Variants in SLC20A1 observed in about 807,000 individuals in gnomAD.
SLC20A1 encodes the protein sodium-dependent phosphate transporter 1.
A neutral mutation model predicts 62.7 loss-of-function variants in SLC20A1; 28 were observed. That is an observed-to-expected ratio of 0.45 (90% CI 0.33 to 0.61). The LOEUF is 0.61. Among genes scored for constraint, SLC20A1 ranks in the 20% least tolerant of loss-of-function variants. The probability of loss-of-function intolerance (pLI) is 0.02; values close to 1 mark genes in which losing one functional copy is unlikely to be tolerated. For synonymous variants in SLC20A1, 305 were observed against 302.9 expected, an observed-to-expected ratio of 1.01 and a Z score of -0.07; for missense variants, 673 against 838.6, an observed-to-expected ratio of 0.80 and a Z score of 2.44.
intron 2 of SLC20A1, 78 bp downstream of exon 2, chr2:112,647,240 A>G: frequency 6.3e-7 from 1 of 1,583,972 alleles, no homozygotes; most frequent in Middle Eastern, 1.7e-4. Flanking sequence ...TTTTGTGCAT[A>G]ACCTTTCCGA....
chr2:112,656,796 T>A (rs1198856001), intron 5 of SLC20A1, among the ~76,000 whole-genome samples: 2 of 152,234 alleles, frequency 1.3e-5, no homozygotes, highest in Non-Finnish European at 2.9e-5. Flanking sequence ...TTTTCATAGC[T>A]AGTCATAGGT....
Position 112,663,209 on chromosome 2 carries a change from G to A in SLC20A1, c.*184G>A, listed in dbSNP as rs1370801736. 4 of 759,712 alleles carry A rather than the reference G, an allele frequency of 5.3e-6. No individual in the cohort carries two copies. Among genetic ancestry groups the A allele is most frequent in the Admixed American group, 2.0e-5 (1 of 49,096 alleles). The allele number at this position is 759,712 out of a possible 1,614,324, so 47.1% of individuals were successfully genotyped here. ...CTAAATATGAATTGTCTCAAAATTA[G>A]CTGTGTAAAATAGCCCGGGTTCCAC... is the stretch of plus-strand genomic sequence containing the variant. On this transcript the variant is annotated 3_prime_UTR_variant, in exon 11 of 11. Coordinates refer to ENST00000272542, the MANE Select transcript of SLC20A1 (RefSeq NM_005415.5).
intron 9 of SLC20A1, chr2:112,660,821 G>A (rs923439996): frequency 4.0e-5 from 20 of 497,706 alleles, no homozygotes; most frequent in Admixed American, 3.1e-4. Flanking sequence ...TGCTAAGAGC[G>A]GATAGTTATG....
intron 9 of SLC20A1, 92 bp downstream of exon 9, chr2:112,660,664 C>T (rs1686723863): frequency 9.2e-7 from 1 of 1,084,952 alleles, no homozygotes; most frequent in African/African-American, 1.6e-5. Flanking sequence ...TCTAAAGTAA[C>T]CAAGTTTGTA....
chr2:112,662,776 C>T (rs373182304), intron 10 of SLC20A1, 88 bp from the exon 11 acceptor site: 7 of 1,359,478 alleles, frequency 5.1e-6, no homozygotes, highest in Middle Eastern at 2.6e-4. Context: ...GGGTCTGGGG[C>T]TCCTTGTCCA....
chr2:112,646,136 A>G lies in SLC20A1; in HGVS notation c.-267+7A>G, dbSNP rs1686264981. Reference sequence around the variant, plus strand: ...CCGCCCTCCCTTTTCCCTGGTGAGTAGTGGCGCCGCCTCGTAAAGGCTCTT... The same window carrying G: ...CCGCCCTCCCTTTTCCCTGGTGAGTGGTGGCGCCGCCTCGTAAAGGCTCTT... On this transcript the variant is annotated splice_region_variant and intron_variant, in intron 1 of 10. Transcript: ENST00000272542. The G allele has an allele frequency of 6.6e-6, 1 of 151,862 alleles. No homozygotes were observed. The highest frequency in any genetic ancestry group is 2.4e-5 in the African/African-American group (1 of 41,316). 9.4% of individuals were successfully genotyped at this position (151,862 alleles called of 1,614,324 possible).
chr2:112,653,792 T>C (rs1158459152), intron 5 of SLC20A1, among the ~76,000 whole-genome samples: 1 of 152,136 alleles, frequency 6.6e-6, no homozygotes, highest in Non-Finnish European at 1.5e-5. Context: ...TAAATATTTT[T>C]ATTATTTATT....
intron 5 of SLC20A1, among the ~76,000 whole-genome samples, chr2:112,655,081 G>C (rs1291044336): frequency 6.7e-6 from 1 of 148,794 alleles, no homozygotes; most frequent in Non-Finnish European, 1.5e-5. Context: ...CGATTCTCCT[G>C]CTTCAGCCTC....
intron 5 of SLC20A1, among the ~76,000 whole-genome samples, chr2:112,653,549 A>G (rs1686496396): frequency 6.6e-6 from 1 of 152,212 alleles, no homozygotes; most frequent in Non-Finnish European, 1.5e-5. Flanking sequence ...GACCCACTGG[A>G]TGAAATACAG....
intron 6 of SLC20A1, chr2:112,658,269 T>G (rs1686650194): frequency 6.6e-6 from 1 of 152,636 alleles, no homozygotes; most frequent in Non-Finnish European, 1.5e-5. Context: ...TACTCTGGTC[T>G]GCCTGTGGGA....
Position 112,659,094 on chromosome 2 carries a change from G to A in SLC20A1, c.1048G>A (p.Gly350Ser), listed in dbSNP as rs369199442. The A allele has an allele frequency of 5.0e-6, 8 of 1,611,156 alleles. No individual in the cohort carries two copies. The African/African-American group carries it at 1.1e-4, about 22-fold the overall frequency. Residue 350 changes from glycine (G) to serine (S), a missense_variant and splice_region_variant, in exon 7 of 11, where the codon GGT (glycine) becomes AGT (serine). Transcript: ENST00000272542. Reference sequence around the variant, plus strand: ...AACCAGCATAGATAGCACCGTGAATGGTGAGTTGGAATTCCTGGTTTCACT... The same window carrying A: ...AACCAGCATAGATAGCACCGTGAATAGTGAGTTGGAATTCCTGGTTTCACT... Reference protein sequence around the residue: ...EETSIDSTVNGAVQLPNGNLV... With the variant: ...EETSIDSTVNSAVQLPNGNLV...
intron 4 of SLC20A1, among the ~76,000 whole-genome samples, chr2:112,648,145 C>T (rs186681964): frequency 1.3e-5 from 2 of 152,108 alleles, no homozygotes; most frequent in Non-Finnish European, 2.9e-5. Context: ...TTAAATGGGT[C>T]TCTGCCGTGC....
intron 5 of SLC20A1, 81 bp from the exon 6 acceptor site, chr2:112,657,041 C>A: frequency 6.5e-7 from 1 of 1,547,048 alleles, no homozygotes; most frequent in Non-Finnish European, 8.9e-7. Flanking sequence ...GGGAACCCCT[C>A]AGTCCCCAGA....
At chr2:112,651,231 GCTA>G (rs2104643149) in intron 4 of SLC20A1, among the ~76,000 whole-genome samples, 1 of 152,220 alleles carries the variant, frequency 6.6e-6, no homozygotes, top group African/African-American at 2.4e-5. Flanking sequence ...CTGGTCTTAA[GCTA>G]CTAACTTTCC....
chr2:112,656,420 C>T (rs546998562), intron 5 of SLC20A1, among the ~76,000 whole-genome samples: 57 of 151,376 alleles, frequency 3.8e-4, no homozygotes, highest in African/African-American at 1.3e-3. Flanking sequence ...AGGCTGGTCT[C>T]GAACTCCTGA....
Position 112,660,424 on chromosome 2 carries a change from T to C in SLC20A1, c.1645T>C (p.Tyr549His). Reference sequence around the variant, plus strand: ...GCCTCTGGTTGCTTTATATTTGGTTTATGACACAGGAGATGTTTCTTCAAA... The same window carrying C: ...GCCTCTGGTTGCTTTATATTTGGTTCATGACACAGGAGATGTTTCTTCAAA... The part of the protein sequence containing the change: ...IGPLVALYLV[Y>H]DTGDVSSKVA... Residue 549 changes from tyrosine to histidine, a missense_variant, in exon 9 of 11, where the codon TAT (tyrosine) becomes CAT (histidine). Transcript: ENST00000272542. 6.2e-7 allele frequency: 1 copy of C among 1,614,220 alleles called. No individual in the cohort carries two copies. The highest frequency in any genetic ancestry group is 8.5e-7 in the Non-Finnish European group (1 of 1,180,020).
rs746870029 is a variant in SLC20A1 at position 112,660,367 on chromosome 2, G to A, written c.1608-20G>A. On this transcript the variant is annotated intron_variant, in intron 8 of 10. Coordinates refer to ENST00000272542, the MANE Select transcript of SLC20A1 (RefSeq NM_005415.5). ...TAGTTCTGCCTGAAAAGTCACTTCTGCCCTCTTTGTTTCTTCCAGCAATGC... is the reference window on the plus strand; with the variant it reads ...TAGTTCTGCCTGAAAAGTCACTTCTACCCTCTTTGTTTCTTCCAGCAATGC... 6.2e-7 allele frequency: 1 copy of A among 1,610,454 alleles called. No individual in the cohort carries two copies. Among genetic ancestry groups the A allele is most frequent in the East Asian group, 2.2e-5 (1 of 44,848 alleles).
chr2:112,663,646 TAAG>T lies in SLC20A1; in HGVS notation c.*628_*630del, dbSNP rs772249672. 2.6e-4 allele frequency: 40 copies of T among 154,342 alleles called. No homozygotes were observed. The highest frequency in any genetic ancestry group is 3.5e-4 in the Non-Finnish European group (24 of 69,286). The allele number at this position is 154,342 out of a possible 1,614,324, so 9.6% of individuals were successfully genotyped here. Reference sequence around the variant, plus strand: ...CAAGCAGTTTATTGACTGTTATTGCTAAGAAGAAGTAAGAAAGAAAAAGCCTGT... The same window carrying T: ...CAAGCAGTTTATTGACTGTTATTGCTAAGAAGTAAGAAAGAAAAAGCCTGT... On this transcript the variant is annotated 3_prime_UTR_variant, in exon 11 of 11. Coordinates refer to ENST00000272542, the MANE Select transcript of SLC20A1 (RefSeq NM_005415.5).
intron 4 of SLC20A1, among the ~76,000 whole-genome samples, 195 bp downstream of exon 4, chr2:112,647,933 C>CA (rs1306583176): frequency 6.6e-6 from 1 of 151,970 alleles, no homozygotes; most frequent in African/African-American, 2.4e-5. Flanking sequence ...AGAGGGCAGT[C>CA]AGGAAGGAAA....
Sources: gnomAD v4.1 joint callset for allele counts (sites outside exome capture counted in the v4.1 genomes callset) on GRCh38, gnomAD v4.1.1 for gene constraint, MANE v1.5 for transcripts, NCBI Gene and HGNC (gene_info 2026-07-23, HGNC 2026-07-21) for gene names.